The following DACT1 variants were observed in gnomAD, a reference collection of about 807,000 sequenced individuals.
The protein encoded by DACT1 is dapper homolog 1.
Under a neutral mutation model 35.3 loss-of-function variants are expected in DACT1, and 19 were observed. That is an observed-to-expected ratio of 0.54 (90% CI 0.38 to 0.79). DACT1 has a LOEUF of 0.79. Among genes scored for constraint, DACT1 ranks in the 30% least tolerant of loss-of-function variants. The pLI, the probability that DACT1 is intolerant of heterozygous loss-of-function variation, is 0.00. For missense variants in DACT1, 1,143 were observed against 1,057.5 expected (o/e 1.08, Z -1.12); for synonymous variants, 545 against 466.7 (o/e 1.17, Z -2.16).
At position 58,646,415 on chromosome 14, in the gene DACT1, T is replaced by G; in HGVS notation, c.1681T>G (p.Leu561Val). 1 of 1,599,820 alleles carries G rather than the reference T, an allele frequency of 6.3e-7. No individual in the cohort carries two copies. The highest frequency in any genetic ancestry group is 1.7e-4 in the Middle Eastern group (1 of 6,026). Residue 561 changes from leucine to valine, a missense_variant, in exon 4 of 4, where the codon TTG becomes GTG. Leu to Val is a conservative substitution (Grantham distance 32, BLOSUM62 1). Around this residue, in one of 3 missense-constraint regions of DACT1, gnomAD observed 1,054 missense variants for 958.8 expected, o/e 1.10. Transcript: ENST00000395153. ...GPALQGLENG[L>V]PTVREKTRAG... ...AGCCCTCCAGGGGCTGGAGAACGGCTTGCCCACCGTCAGGGAGAAAACGCG... is the reference window on the plus strand; with the variant it reads ...AGCCCTCCAGGGGCTGGAGAACGGCGTGCCCACCGTCAGGGAGAAAACGCG...
At chr14:58,638,736 A>G (rs963992421) in intron 1 of DACT1, 189 bp downstream of exon 1, 1 of 1,190,208 alleles carries the variant, frequency 8.4e-7, no homozygotes, top group Non-Finnish European at 1.0e-6. Context: ...GCCGACGCCC[A>G]CGCGTTTCTG....
upstream of DACT1, among the ~76,000 whole-genome samples, chr14:58,637,796 G>A (rs2047585487): frequency 6.6e-6 from 1 of 151,868 alleles, no homozygotes; most frequent in South Asian, 2.1e-4. Context: ...GGAGGGGCGG[G>A]GAGGGCCGAG....
chr14:58,638,454 C>G lies in DACT1; in HGVS notation c.252C>G (p.Pro84=). 7.4e-7 allele frequency: 1 copy of G among 1,352,358 alleles called. No individual in the cohort carries two copies. The highest frequency in any genetic ancestry group is 9.5e-7 in the Non-Finnish European group (1 of 1,047,678). The allele number at this position is 1,352,358 out of a possible 1,614,324, so 83.8% of individuals were successfully genotyped here. ...CCGGGGGTGCGGGAGCCGCTGCGCC[C>G]CGCGCTGGGGAGCTACTGGGGGAGG... ...RGAGGAGAAA[P]RAGELLGEAA... is the part of the protein sequence containing the mutation. Residue 84 remains proline (P), a synonymous_variant, in exon 1 of 4, where the codon CCC becomes CCG. Transcript: ENST00000395153.
rs1345725491 is a variant in DACT1 at position 58,645,672 on chromosome 14, C to A, written c.938C>A (p.Thr313Lys). The change falls in exon 4 of 4, where the codon ACA (threonine) becomes AAA (lysine). Residue 313 changes from threonine (T) to lysine (K), a missense_variant. Physicochemically the swap from Thr to Lys is moderately conservative, Grantham distance 78 (BLOSUM62 -1). Coordinates refer to ENST00000395153, the MANE Select transcript of DACT1 (RefSeq NM_001079520.2). The stretch of plus-strand genomic sequence containing the variant: ...ATTCTGAGCCTGGTCCAGAAAAAAA[C>A]ACACCCTGTAAGGACCAACAAACCA... ...GYILSLVQKK[T>K]HPVRTNKPRT... is the part of the protein sequence containing the mutation. 36 of 1,614,226 alleles carry A rather than the reference C, an allele frequency of 2.2e-5. No individual in the cohort carries two copies. Among genetic ancestry groups the A allele is most frequent in the Non-Finnish European group, 2.6e-5 (31 of 1,180,050 alleles).
rs758137680 is a variant in DACT1 at position 58,646,105 on chromosome 14, T to C, written c.1371T>C (p.Pro457=). The C allele has an allele frequency of 6.2e-7, 1 of 1,612,602 alleles. No homozygotes were observed. Among genetic ancestry groups the C allele is most frequent in the East Asian group, 2.2e-5 (1 of 44,860 alleles). ...ASPKESPSRG[P]APPQENKVVQ... Reference sequence around the variant, plus strand: ...CAAAAGAGAGTCCTAGCAGAGGCCCTGCCCCGCCGCAGGAGAACAAAGTTG... The same window carrying C: ...CAAAAGAGAGTCCTAGCAGAGGCCCCGCCCCGCCGCAGGAGAACAAAGTTG... Residue 457 remains proline, a synonymous_variant, in exon 4 of 4, where the codon CCT becomes CCC. Coordinates refer to ENST00000395153, the MANE Select transcript of DACT1 (RefSeq NM_001079520.2).
At position 58,639,789 on chromosome 14, in the gene DACT1, T is replaced by C. The variant is rs377143983; in HGVS notation, c.346-947T>C. Among the ~76,000 whole-genome samples the C allele has an allele frequency of 3.3e-5, 5 of 152,352 alleles. 1 individual carries two copies. The highest frequency in any genetic ancestry group is 1.3e-4 in the Admixed American group (2 of 15,308). On this transcript the variant is annotated intron_variant, in intron 1 of 3. Coordinates refer to ENST00000395153, the MANE Select transcript of DACT1 (RefSeq NM_001079520.2). The stretch of plus-strand genomic sequence containing the variant: ...ATATCTCTGTTTTGGCATTTTACTG[T>C]GCTGCTTCGGTCACAGACCAGATTC...
upstream of DACT1, among the ~76,000 whole-genome samples, chr14:58,637,055 C>T (rs943223264): frequency 6.6e-6 from 1 of 152,218 alleles, no homozygotes; most frequent in Non-Finnish European, 1.5e-5. Flanking sequence ...AGCAGGTTCC[C>T]ATAGCAGCTG....
chr14:58,647,142 C>T lies in DACT1; in HGVS notation c.*8C>T, dbSNP rs749967203. 11 of 1,607,986 alleles carry T rather than the reference C, an allele frequency of 6.8e-6. No homozygotes were observed. Among genetic ancestry groups the T allele is most frequent in the Non-Finnish European group, 8.5e-6 (10 of 1,178,698 alleles). ...CTGATGACGACGGTTTGAGTGACAT[C>T]ATTGGTGTAGAAAGTTTGTGTGTTT... On this transcript the variant is annotated 3_prime_UTR_variant, in exon 4 of 4. Coordinates refer to ENST00000395153, the MANE Select transcript of DACT1 (RefSeq NM_001079520.2).
intron 3 of DACT1, among the ~76,000 whole-genome samples, chr14:58,642,975 C>T (rs1244475731): frequency 6.6e-6 from 1 of 152,188 alleles, no homozygotes; most frequent in East Asian, 1.9e-4. Context: ...ATGTATTTAT[C>T]TCCAATGAAT....
At chr14:58,640,947 T>G in intron 2 of DACT1, 79 bp downstream of exon 2, 1 of 1,497,802 alleles carries the variant, frequency 6.7e-7, no homozygotes, top group Non-Finnish European at 9.2e-7. Flanking sequence ...TTCCCAGACC[T>G]GCAAATGGCA....
Position 58,646,948 on chromosome 14 carries a change from C to T in DACT1, c.2214C>T (p.Asp738=). 2.5e-6 allele frequency: 4 copies of T among 1,614,216 alleles called. No homozygotes were observed. In the South Asian group the frequency reaches 4.4e-5, roughly 18 times the overall value. The stretch of plus-strand genomic sequence containing the variant: ...TGGGGGAGAGCACAACCACCAGCGA[C>T]TCTGAAGAAAGCGGGGGCTTAATTT... ...EFVGESTTTS[D]SEESGGLIWS... The change falls in exon 4 of 4, where the codon GAC becomes GAT. Residue 738 remains aspartate (D), a synonymous_variant. Coordinates refer to ENST00000395153, the MANE Select transcript of DACT1 (RefSeq NM_001079520.2).
intron 1 of DACT1, chr14:58,639,105 G>A: frequency 1.0e-6 from 1 of 985,448 alleles, no homozygotes; most frequent in Non-Finnish European, 1.2e-6. Flanking sequence ...ACCCAGGCTG[G>A]TGCTTAATTT....
Position 58,646,538 on chromosome 14 carries a change from G to C in DACT1, c.1804G>C (p.Glu602Gln). The change falls in exon 4 of 4, where the codon GAG becomes CAG. Residue 602 changes from glutamate (E) to glutamine (Q), a missense_variant. By Grantham distance (29) the Glu-to-Gln change is conservative (BLOSUM62 2). Transcript: ENST00000395153. ...SKGRKSGGGP[E>Q]AGVPGRPAGG... is the part of the protein sequence containing the mutation. The stretch of plus-strand genomic sequence containing the variant: ...GGGGAGGAAGAGTGGGGGCGGGCCC[G>C]AGGCTGGTGTTCCCGGCAGGCCCGC... The C allele has an allele frequency of 6.4e-7, 1 of 1,556,166 alleles. No individual in the cohort carries two copies. Among genetic ancestry groups the C allele is most frequent in the Non-Finnish European group, 8.7e-7 (1 of 1,153,590 alleles).
chr14:58,639,985 CCAGT>C (rs1375827125), intron 1 of DACT1, among the ~76,000 whole-genome samples: 2 of 152,208 alleles, frequency 1.3e-5, no homozygotes, highest in Non-Finnish European at 2.9e-5. Context: ...GAATTCCAGT[CCAGT>C]CAGTATTTAT....
At position 58,646,570 on chromosome 14, in the gene DACT1, GGGCCACAGGGCGGGGAGCAGGGCGCAT is replaced by G. The variant is rs759521375; in HGVS notation, c.1843_1869del (p.Arg615_His623del). 1.9e-5 allele frequency: 30 copies of G among 1,565,974 alleles called. No individual in the cohort carries two copies. The highest frequency in any genetic ancestry group is 2.7e-5 in the African/African-American group (2 of 73,250). On this transcript the variant is annotated inframe_deletion, in exon 4 of 4. Transcript: ENST00000395153. Reference sequence around the variant, plus strand: ...GTGTTCCCGGCAGGCCCGCGGGCGGGGGCCACAGGGCGGGGAGCAGGGCGCATGGCCACGGACGGGAGGCGGTGGTGG... The same window carrying G: ...GTGTTCCCGGCAGGCCCGCGGGCGGGGGCCACGGACGGGAGGCGGTGGTGG...
At chr14:58,637,215 TCAAA>T (rs2047578844), upstream of DACT1, among the ~76,000 whole-genome samples, 2 of 152,186 alleles carry the variant, frequency 1.3e-5, no homozygotes, top group African/African-American at 2.4e-5. Context: ...TAATAAAAGC[TCAAA>T]CAAAAACCAA....
At chr14:58,644,822 GA>G (rs1261732652) in intron 3 of DACT1, among the ~76,000 whole-genome samples, 1 of 152,186 alleles carries the variant, frequency 6.6e-6, no homozygotes, top group Non-Finnish European at 1.5e-5. Context: ...CAGTTTAACA[GA>G]AAATAAAGAA....
Position 58,646,540 on chromosome 14 carries a change from G to T in DACT1, c.1806G>T (p.Glu602Asp). ...SKGRKSGGGP[E>D]AGVPGRPAGG... ...GGAGGAAGAGTGGGGGCGGGCCCGA[G>T]GCTGGTGTTCCCGGCAGGCCCGCGG... Residue 602 changes from glutamate to aspartate, a missense_variant, in exon 4 of 4, where the codon GAG becomes GAT. Physicochemically the swap from Glu to Asp is conservative, Grantham distance 45. Coordinates refer to ENST00000395153, the MANE Select transcript of DACT1 (RefSeq NM_001079520.2). The T allele has an allele frequency of 1.3e-6, 2 of 1,557,446 alleles. No individual in the cohort carries two copies. Among genetic ancestry groups the T allele is most frequent in the Non-Finnish European group, 1.7e-6 (2 of 1,154,110 alleles).
In DACT1 at chr14:58,647,029, C is replaced by A; in HGVS notation, c.2295C>A (p.His765Gln). 1 of 1,614,188 alleles carries A rather than the reference C, an allele frequency of 6.2e-7. No individual in the cohort carries two copies. The highest frequency in any genetic ancestry group is 8.5e-7 in the Non-Finnish European group (1 of 1,180,026). Reference sequence around the variant, plus strand: ...AAACGGTAACGGCCCCAGACCTTCACAACCACCCCGCAAAAACCTTTGTCA... The same window carrying A: ...AAACGGTAACGGCCCCAGACCTTCAAAACCACCCCGCAAAAACCTTTGTCA... ...PIQTVTAPDL[H>Q]NHPAKTFVKI... is the part of the protein sequence containing the mutation. Residue 765 changes from histidine (H) to glutamine (Q), a missense_variant, in exon 4 of 4, where the codon CAC (histidine) becomes CAA (glutamine). His to Gln is a conservative substitution (Grantham distance 24, BLOSUM62 0). Around this residue, in one of 3 missense-constraint regions of DACT1, gnomAD observed 1,054 missense variants for 958.8 expected, o/e 1.10. Coordinates refer to ENST00000395153, the MANE Select transcript of DACT1 (RefSeq NM_001079520.2).
Sources: gnomAD v4.1 joint callset for allele counts (sites outside exome capture counted in the v4.1 genomes callset) on GRCh38, gnomAD v4.1.1 for gene constraint, gnomAD v4.1.1 regional missense constraint, MANE v1.5 for transcripts, NCBI Gene and HGNC (gene_info 2026-07-23, HGNC 2026-07-21) for gene names.